Variants in MYO1H observed in about 807,000 individuals in gnomAD.
MYO1H encodes the protein unconventional myosin-Ih.
In MYO1H, 118 loss-of-function variants were observed where a neutral mutation model predicts 149.3. The ratio of observed to expected loss-of-function variants is 0.79; its 90% CI spans 0.68 to 0.92. The LOEUF (loss-of-function observed/expected upper bound fraction) is 0.92. Ranked by LOEUF, MYO1H falls within the 40% of genes least tolerant of loss-of-function variation. The pLI is 0.00. For synonymous variants in MYO1H, 447 were observed against 465.2 expected (o/e 0.96, Z 0.50); for missense variants, 1,212 against 1,280.7 (o/e 0.95, Z 0.82).
the MYO1H span, among the ~76,000 whole-genome samples, chr12:109,326,976 A>G: frequency 3.3e-5 from 5 of 152,238 alleles, no homozygotes; most frequent in East Asian, 1.9e-4. Context: ...ACACCTCTTC[A>G]ATACATCTCT....
chr12:109,357,116 A>G (rs574297503), intron 1 of MYO1H: 47 of 128,112 alleles, frequency 3.7e-4, no homozygotes, highest in African/African-American at 1.3e-3. Flanking sequence ...ATTCAGTTCT[A>G]TGAGGAAACT....
intron 8 of MYO1H, 148 bp downstream of exon 8, chr12:109,406,183 G>A: frequency 1.6e-6 from 1 of 616,422 alleles, no homozygotes; most frequent in Non-Finnish European, 2.9e-6. Context: ...GTGGGGGTTT[G>A]AAGGAGAGGG....
At chr12:109,350,044 C>T (rs976122205) in intron 1 of MYO1H, among the ~76,000 whole-genome samples, 1 of 150,992 alleles carries the variant, frequency 6.6e-6, no homozygotes, top group East Asian at 1.9e-4. Flanking sequence ...GAAATGACCT[C>T]AGAAGGAGCT....
chr12:109,387,340 C>T (rs1053999649), intron 1 of MYO1H, among the ~76,000 whole-genome samples: 23 of 152,188 alleles, frequency 1.5e-4, no homozygotes, highest in African/African-American at 3.4e-4. Context: ...TCAATTGAGA[C>T]GCAGTCTTAT....
intron 14 of MYO1H, among the ~76,000 whole-genome samples, chr12:109,414,247 G>A (rs1870802049): frequency 2.0e-5 from 3 of 152,054 alleles, no homozygotes; most frequent in East Asian, 1.9e-4. Flanking sequence ...AGACCAAGAC[G>A]AGTGGATAAT....
At chr12:109,354,630 A>AAAAAAAAAAG (rs796354256) in intron 1 of MYO1H, among the ~76,000 whole-genome samples, 6,484 of 133,668 alleles carry the variant, frequency 0.049, 275 homozygotes, top group Non-Finnish European at 0.075. Flanking sequence ...AAAAAAAAAA[A>AAAAAAAAAAG]AAAAGAAAAG....
At chr12:109,407,972 T>C in intron 10 of MYO1H, 59 bp downstream of exon 10, 1 of 1,569,968 alleles carries the variant, frequency 6.4e-7, no homozygotes, top group East Asian at 2.3e-5. Context: ...TTTATAATCA[T>C]CGTTTCTTTA....
intron 14 of MYO1H, among the ~76,000 whole-genome samples, chr12:109,413,818 G>C (rs1444298934): frequency 6.6e-6 from 1 of 152,140 alleles, no homozygotes; most frequent in Non-Finnish European, 1.5e-5. Context: ...GCTGAGGCAG[G>C]AGAATCGCTT....
intron 16 of MYO1H, among the ~76,000 whole-genome samples, chr12:109,422,644 G>T (rs1405701396): frequency 1.3e-5 from 2 of 152,182 alleles, no homozygotes; most frequent in South Asian, 2.1e-4. Flanking sequence ...ACCCACCAGG[G>T]CTGAAGCTCC....
intron 4 of MYO1H, 118 bp from the exon 5 acceptor site, chr12:109,397,614 C>T: frequency 1.5e-6 from 1 of 650,150 alleles, no homozygotes; most frequent in South Asian, 3.1e-5. Context: ...CATGCCTTTC[C>T]TCCCTGGCTC....
At chr12:109,406,757 TG>T (rs778721816) in intron 8 of MYO1H, 31 bp from the exon 9 acceptor site, 10 of 1,601,964 alleles carry the variant, frequency 6.2e-6, no homozygotes, top group Non-Finnish European at 8.6e-6. Context: ...ACTGCGTCAC[TG>T]AATAGCATTC....
chr12:109,326,105 A>G, the MYO1H span, among the ~76,000 whole-genome samples: 1 of 152,234 alleles, frequency 6.6e-6, no homozygotes. Context: ...AGGCCCTGTC[A>G]GCATGCAGCA....
At chr12:109,365,800 A>G (rs1016582893) in intron 1 of MYO1H, among the ~76,000 whole-genome samples, 43 of 152,092 alleles carry the variant, frequency 2.8e-4, no homozygotes, top group Non-Finnish European at 5.6e-4. Context: ...AGCTCCTACC[A>G]TTTAGACCAG....
chr12:109,442,673 G>A (rs189117406), intron 27 of MYO1H, among the ~76,000 whole-genome samples: 1 of 152,232 alleles, frequency 6.6e-6, no homozygotes, highest in African/African-American at 2.4e-5. Flanking sequence ...CTGATCTTCT[G>A]TGAATGAGGA....
chr12:109,367,197 G>T (rs1266095579), intron 1 of MYO1H, among the ~76,000 whole-genome samples: 1 of 152,110 alleles, frequency 6.6e-6, no homozygotes, highest in Non-Finnish European at 1.5e-5. Context: ...ATGGGAAAAT[G>T]GGGAAAAATA....
At chr12:109,405,849 G>A (rs1222715515) in intron 7 of MYO1H, 73 bp from the exon 8 acceptor site, 4 of 1,034,638 alleles carry the variant, frequency 3.9e-6, no homozygotes, top group South Asian at 1.3e-5. Flanking sequence ...CTAATGACAT[G>A]TATCAATTAG....
Position 109,440,741 on chromosome 12 carries a change from C to G in MYO1H, c.2455-3C>G. 6.4e-7 allele frequency: 1 copy of G among 1,558,786 alleles called. No homozygotes were observed. Among genetic ancestry groups the G allele is most frequent in the Non-Finnish European group, 8.7e-7 (1 of 1,150,952 alleles). Reference sequence around the variant, plus strand: ...AGTGGAAAGAAGTGTGTTCTCCACACAGGCATCAGATCTGCTCAGGAAAAT... The same window carrying G: ...AGTGGAAAGAAGTGTGTTCTCCACAGAGGCATCAGATCTGCTCAGGAAAAT... On this transcript the variant is annotated splice_region_variant and splice_polypyrimidine_tract_variant and intron_variant, in intron 24 of 31. Transcript: ENST00000310903.
the MYO1H span, among the ~76,000 whole-genome samples, chr12:109,334,376 A>G: frequency 1.3e-5 from 2 of 151,966 alleles, no homozygotes; most frequent in Non-Finnish European, 2.9e-5. Flanking sequence ...GGGTCTTGCT[A>G]TGTTGCTCAG....
intron 9 of MYO1H, 48 bp downstream of exon 9, chr12:109,406,908 T>C (rs948385385): frequency 7.1e-6 from 11 of 1,538,658 alleles, no homozygotes; most frequent in Non-Finnish European, 9.9e-6. Flanking sequence ...CTGCTGCTGC[T>C]GCCTCCCTCG....
Sources: gnomAD v4.1 joint callset for allele counts (sites outside exome capture counted in the v4.1 genomes callset) on GRCh38, gnomAD v4.1.1 for gene constraint, MANE v1.5 for transcripts, NCBI Gene and HGNC (gene_info 2026-07-23, HGNC 2026-07-21) for gene names.